The following PRELID2 variants were observed in gnomAD, a reference collection of about 807,000 sequenced individuals.
PRELID2 encodes the protein PRELI domain containing 2.
A neutral mutation model predicts 28.4 loss-of-function variants in PRELID2; 25 were observed. The ratio of observed to expected loss-of-function variants is 0.88; its 90% CI spans 0.64 to 1.23. The LOEUF (loss-of-function observed/expected upper bound fraction) is 1.23, where lower values mean the gene tolerates loss of function less well. Ranked by LOEUF, PRELID2 falls within the 50% of genes most tolerant of loss-of-function variation. The pLI, the probability that PRELID2 is intolerant of heterozygous loss-of-function variation, is 0.00. For missense variants in PRELID2, 201 were observed against 214.4 expected (o/e 0.94, Z 0.39); for synonymous variants, 76 against 71.6 (o/e 1.06, Z -0.31).
chr5:145,676,743 T>A (rs1754825746), intron 1 of PRELID2, among the ~76,000 whole-genome samples: 1 of 152,078 alleles, frequency 6.6e-6, no homozygotes, highest in South Asian at 2.1e-4. Context: ...GGAAAACAAA[T>A]CCAATCTTAA....
At chr5:145,734,464 A>G (rs986608236) in intron 1 of PRELID2, among the ~76,000 whole-genome samples, 1 of 152,232 alleles carries the variant, frequency 6.6e-6, no homozygotes, top group African/African-American at 2.4e-5. Flanking sequence ...ACGAGCATCA[A>G]CTGGTTTGGG....
chr5:145,292,975 C>A, the PRELID2 span, among the ~76,000 whole-genome samples: 2 of 152,122 alleles, frequency 1.3e-5, no homozygotes, highest in African/African-American at 2.4e-5. Flanking sequence ...TCTGCCTCAA[C>A]CTTCTAAAGT....
chr5:145,241,078 G>T, the PRELID2 span, among the ~76,000 whole-genome samples: 55 of 152,098 alleles, frequency 3.6e-4, 1 homozygote, highest in Admixed American at 3.2e-3. Flanking sequence ...AGAATTAAGT[G>T]ATTTGACCCA....
the PRELID2 span, among the ~76,000 whole-genome samples, chr5:145,301,641 T>C: frequency 1.3e-5 from 2 of 152,338 alleles, no homozygotes; most frequent in East Asian, 1.9e-4. Flanking sequence ...TTCTTAGCTC[T>C]TATGTTTATA....
downstream of PRELID2, among the ~76,000 whole-genome samples, chr5:145,755,726 G>A (rs1203120860): frequency 2.4e-5 from 3 of 124,900 alleles, no homozygotes; most frequent in East Asian, 2.5e-4. Context: ...AATGATACAC[G>A]CCTTCTAGTG....
intron 4 of PRELID2, among the ~76,000 whole-genome samples, chr5:145,800,154 C>A (rs535764067): frequency 2.6e-4 from 40 of 152,174 alleles, no homozygotes; most frequent in African/African-American, 8.4e-4. Context: ...ATCCAACAAA[C>A]TGTCATTTTG....
intron 1 of PRELID2, among the ~76,000 whole-genome samples, chr5:145,552,869 T>C (rs1218403608): frequency 6.6e-6 from 1 of 152,212 alleles, no homozygotes; most frequent in African/African-American, 2.4e-5. Flanking sequence ...GCTCATAGCA[T>C]GTCATTAATA....
rs1434854568 is a variant in PRELID2, at chr5:145,760,257, T to G, written c.*279A>C. On this transcript the variant is annotated 3_prime_UTR_variant, in exon 7 of 7. Transcript: ENST00000683046. ...GGGCACACATATCTTACATGGTTCT[T>G]TTTTCCTTTATTTGTAAAATTATAA... The G allele has an allele frequency of 6.6e-6, 1 of 152,170 alleles. No homozygotes were observed. Among genetic ancestry groups the G allele is most frequent in the African/African-American group, 2.4e-5 (1 of 41,444 alleles). 9.4% of individuals were successfully genotyped at this position (152,170 alleles called of 1,614,324 possible).
intron 1 of PRELID2, among the ~76,000 whole-genome samples, chr5:145,663,005 T>C (rs915571713): frequency 6.6e-6 from 1 of 152,140 alleles, no homozygotes; most frequent in African/African-American, 2.4e-5. Context: ...GTTTTCTAAA[T>C]TATTATTATT....
intron 5 of PRELID2, among the ~76,000 whole-genome samples, chr5:145,779,735 C>T (rs1758664009): frequency 6.6e-6 from 1 of 152,086 alleles, no homozygotes; most frequent in Non-Finnish European, 1.5e-5. Context: ...CACTCTCATA[C>T]TCATAAGATA....
downstream of PRELID2, among the ~76,000 whole-genome samples, chr5:145,469,064 C>T (rs57275541): frequency 4.1e-3 from 624 of 152,132 alleles, 4 homozygotes; most frequent in African/African-American, 0.015. Flanking sequence ...AAGTGTATGT[C>T]CACCTTCTTT....
At chr5:145,633,232 C>T (rs879569766) in intron 1 of PRELID2, among the ~76,000 whole-genome samples, 5 of 152,078 alleles carry the variant, frequency 3.3e-5, no homozygotes, top group Non-Finnish European at 5.9e-5. Flanking sequence ...CACTTGGAGA[C>T]AATAAATTCT....
chr5:145,446,276 GA>G, the PRELID2 span, among the ~76,000 whole-genome samples: 59 of 151,778 alleles, frequency 3.9e-4, no homozygotes, highest in African/African-American at 7.7e-4. Flanking sequence ...ATTAAAAAAT[GA>G]AAAAAAGTTC....
In PRELID2 at chr5:145,712,049, G is replaced by C. The variant is rs1278269586; in HGVS notation, n.70+52882C>G. ...TCCTGATGCTGCCCATAGATCATCT[G>C]AATCCAGTGGTGAACTAAATCTAAC... On this transcript the variant is annotated intron_variant and non_coding_transcript_variant, in intron 1 of 2. Coordinates refer to the PRELID2 transcript ENST00000510259. Among the ~76,000 whole-genome samples, 64 of 152,304 alleles carry C rather than the reference G, an allele frequency of 4.2e-4. 2 individuals are homozygous for C. The highest frequency in any genetic ancestry group is 4.1e-3 in the Admixed American group (63 of 15,300).
intron 1 of PRELID2, among the ~76,000 whole-genome samples, chr5:145,692,054 T>C (rs1017889679): frequency 6.6e-6 from 1 of 152,134 alleles, no homozygotes; most frequent in African/African-American, 2.4e-5. Context: ...CCTCCCTGAT[T>C]GCAGCTGATG....
At chr5:145,374,578 C>A in the PRELID2 span, among the ~76,000 whole-genome samples, 1 of 151,982 alleles carries the variant, frequency 6.6e-6, no homozygotes, top group Admixed American at 6.6e-5. Context: ...AGTGTGTTTC[C>A]CAGTTTGTTT....
intron 1 of PRELID2, among the ~76,000 whole-genome samples, chr5:145,740,665 A>C (rs1328203902): frequency 3.3e-5 from 3 of 90,224 alleles, no homozygotes; most frequent in East Asian, 6.3e-4. Flanking sequence ...TATAAATAAA[A>C]TAAATATATA....
At chr5:145,587,719 A>T (rs1021354370) in intron 1 of PRELID2, among the ~76,000 whole-genome samples, 2 of 152,150 alleles carry the variant, frequency 1.3e-5, no homozygotes, top group Non-Finnish European at 2.9e-5. Context: ...CAAACAGCCC[A>T]ATCATGTCCT....
intron 1 of PRELID2, among the ~76,000 whole-genome samples, chr5:145,653,331 G>A (rs1305451445): frequency 2.0e-5 from 3 of 152,128 alleles, no homozygotes; most frequent in Non-Finnish European, 2.9e-5. Flanking sequence ...GTCAATATTA[G>A]ACAGATCAAC....
Sources: gnomAD v4.1 joint callset for allele counts (sites outside exome capture counted in the v4.1 genomes callset) on GRCh38, gnomAD v4.1.1 for gene constraint, MANE v1.5 for transcripts, NCBI Gene and HGNC (gene_info 2026-07-23, HGNC 2026-07-21) for gene names.